The following ZNF609 variants were observed in gnomAD, a reference collection of about 807,000 sequenced individuals.
ZNF609 encodes the protein zinc finger protein 609.
In ZNF609, 11 loss-of-function variants were observed where a neutral mutation model predicts 109.5. That is an observed-to-expected ratio of 0.10 (90% CI 0.06 to 0.17). ZNF609 has a LOEUF of 0.17. ZNF609 is among the 10% of genes least tolerant of loss of function. The probability of loss-of-function intolerance (pLI) is 1.00; values close to 1 mark genes in which losing one functional copy is unlikely to be tolerated. For synonymous variants in ZNF609, 646 were observed against 662.0 expected, an observed-to-expected ratio of 0.98 and a Z score of 0.37; for missense variants, 1,559 against 1,772.4, an observed-to-expected ratio of 0.88 and a Z score of 2.16.
intron 3 of ZNF609, among the ~76,000 whole-genome samples, chr15:64,632,115 C>T (rs914659090): frequency 6.6e-6 from 1 of 152,100 alleles, no homozygotes; most frequent in Non-Finnish European, 1.5e-5. Context: ...TACAGTGGCA[C>T]GATCATGGCT....
intron 1 of ZNF609, among the ~76,000 whole-genome samples, chr15:64,474,785 C>T (rs778104115): frequency 3.9e-5 from 6 of 152,050 alleles, no homozygotes; most frequent in Non-Finnish European, 7.4e-5. Context: ...AGAGTGTGTG[C>T]AAATAAAGCC....
chr15:64,651,124 C>T lies in ZNF609; in HGVS notation c.974-19222C>T, dbSNP rs578103027. The stretch of plus-strand genomic sequence containing the variant: ...CTATAAACATATATATACATATATA[C>T]ACATGAACATCTTAACTTTATGTAA... On this transcript the variant is annotated intron_variant, in intron 3 of 9. Coordinates refer to ENST00000326648, the MANE Select transcript of ZNF609 (RefSeq NM_015042.2). Among the ~76,000 whole-genome samples, 233 of 152,138 alleles carry T rather than the reference C, an allele frequency of 1.5e-3. 2 individuals carry two copies. The highest frequency in any genetic ancestry group is 2.1e-3 in the Non-Finnish European group (140 of 67,998).
intron 1 of ZNF609, among the ~76,000 whole-genome samples, chr15:64,463,041 C>T (rs767281362): frequency 2.6e-5 from 4 of 151,916 alleles, no homozygotes; most frequent in Non-Finnish European, 5.9e-5. Context: ...ATCACTTGAG[C>T]CTAGGAGTTT....
intron 2 of ZNF609, among the ~76,000 whole-genome samples, chr15:64,574,888 G>A (rs948719146): frequency 6.6e-6 from 1 of 152,170 alleles, no homozygotes; most frequent in Non-Finnish European, 1.5e-5. Context: ...AGCAAGAGGA[G>A]GGAGGGACCT....
chr15:64,536,730 C>CT (rs1007035920), intron 2 of ZNF609, among the ~76,000 whole-genome samples: 2 of 148,818 alleles, frequency 1.3e-5, no homozygotes, highest in African/African-American at 5.0e-5. Context: ...TCCACCCCCC[C>CT]CCCCAAAAAA....
At chr15:64,625,939 AGAGAG>A (rs1895955422) in intron 3 of ZNF609, among the ~76,000 whole-genome samples, 2 of 12,034 alleles carry the variant, frequency 1.7e-4, no homozygotes, top group African/African-American at 3.4e-4. Flanking sequence ...ATATATATAG[AGAGAG>A]AGAGAGAGAG....
intron 1 of ZNF609, among the ~76,000 whole-genome samples, chr15:64,496,740 A>C (rs1375646940): frequency 2.0e-5 from 3 of 152,168 alleles, no homozygotes; most frequent in Non-Finnish European, 4.4e-5. Flanking sequence ...CTTCTTGTGT[A>C]GTGTTGAGAA....
rs200687552 is a variant in ZNF609 at position 64,500,068 on chromosome 15, A to G, written c.649A>G (p.Ile217Val). Reference sequence around the variant, plus strand: ...TGTGGAGCCACTTGGGAGTATAGCTATTGAGCCTGGGGCAGCGCTCAATCC... The same window carrying G: ...TGTGGAGCCACTTGGGAGTATAGCTGTTGAGCCTGGGGCAGCGCTCAATCC... Reference protein sequence around the residue: ...GAVEPLGSIAIEPGAALNPLG... With the variant: ...GAVEPLGSIAVEPGAALNPLG... Residue 217 changes from isoleucine (I) to valine (V), a missense_variant, in exon 2 of 10, where the codon ATT becomes GTT. Physicochemically the swap from Ile to Val is conservative, Grantham distance 29 (BLOSUM62 3). Around this residue, in one of 4 missense-constraint regions of ZNF609, gnomAD observed 291 missense variants for 317.8 expected, o/e 0.92. Coordinates refer to ENST00000326648, the MANE Select transcript of ZNF609 (RefSeq NM_015042.2). 1.2e-5 allele frequency: 19 copies of G among 1,614,114 alleles called. No individual in the cohort carries two copies. The highest frequency in any genetic ancestry group is 1.6e-4 in the Middle Eastern group (1 of 6,062).
At chr15:64,670,638 GGAGGCT>G (rs1380278080) in intron 4 of ZNF609, among the ~76,000 whole-genome samples, 1 of 152,028 alleles carries the variant, frequency 6.6e-6, no homozygotes, top group Non-Finnish European at 1.5e-5. Flanking sequence ...CAGCACTTTG[GGAGGCT>G]GAGGCAGGCG....
At chr15:64,561,934 T>C (rs900021935) in intron 2 of ZNF609, among the ~76,000 whole-genome samples, 2 of 152,186 alleles carry the variant, frequency 1.3e-5, no homozygotes, top group Non-Finnish European at 2.9e-5. Context: ...CCTTGAGAAC[T>C]GGAGTTTGTG....
At chr15:64,585,913 A>G (rs919387674) in intron 2 of ZNF609, among the ~76,000 whole-genome samples, 1 of 152,102 alleles carries the variant, frequency 6.6e-6, no homozygotes, top group African/African-American at 2.4e-5. Flanking sequence ...TGGCATGATC[A>G]TGGCTCATTG....
intron 3 of ZNF609, among the ~76,000 whole-genome samples, chr15:64,636,610 C>T (rs960719445): frequency 2.0e-5 from 3 of 152,136 alleles, no homozygotes; most frequent in Admixed American, 6.5e-5. Flanking sequence ...TATGAAGCTC[C>T]CTTTTGCTTT....
intron 2 of ZNF609, among the ~76,000 whole-genome samples, chr15:64,603,997 C>CAAAAA (rs34675102): frequency 7.7e-5 from 5 of 65,204 alleles, no homozygotes; most frequent in South Asian, 5.1e-4. Context: ...GACTCCGTCT[C>CAAAAA]AAAAAAAAAA....
chr15:64,480,538 A>T (rs138480669), intron 1 of ZNF609, among the ~76,000 whole-genome samples: 1 of 152,134 alleles, frequency 6.6e-6, no homozygotes, highest in African/African-American at 2.4e-5. Context: ...TCTCAAAAAA[A>T]AAAACAAAAA....
chr15:64,652,388 A>ATTT (rs35371824), intron 3 of ZNF609, among the ~76,000 whole-genome samples: 3 of 136,494 alleles, frequency 2.2e-5, no homozygotes, highest in Non-Finnish European at 1.5e-5. Flanking sequence ...TGCCTGGCTA[A>ATTT]TTTTTTTTTT....
At chr15:64,589,556 A>G (rs578084061) in intron 2 of ZNF609, among the ~76,000 whole-genome samples, 7 of 152,344 alleles carry the variant, frequency 4.6e-5, no homozygotes, top group African/African-American at 1.7e-4. Flanking sequence ...AAAGTTGCAC[A>G]GCCAGTAGTG....
At chr15:64,476,399 C>G (rs754179342) in intron 1 of ZNF609, among the ~76,000 whole-genome samples, 3 of 151,494 alleles carry the variant, frequency 2.0e-5, no homozygotes, top group Non-Finnish European at 4.4e-5. Context: ...AAAAGTACAG[C>G]AGGATAAGGA....
At position 64,674,630 on chromosome 15, in the gene ZNF609, G is replaced by A. The variant is rs781489160; in HGVS notation, c.1776G>A (p.Lys592=). The change falls in exon 5 of 10, where the codon AAG becomes AAA. Residue 592 remains lysine (K), a synonymous_variant. Transcript: ENST00000326648. ...GCACAAAAGGCCTCTGTAAGAAAAA[G>A]TTGAGTGGGGAAGGGGACACAGACC... The part of the protein sequence containing the change: ...KFSTKGLCKK[K]LSGEGDTDLG... The A allele has an allele frequency of 5.0e-6, 8 of 1,614,156 alleles. No homozygotes were observed. In the Admixed American group the frequency reaches 5.0e-5, roughly 10 times the overall value.
chr15:64,477,283 G>A (rs561448321), intron 1 of ZNF609, among the ~76,000 whole-genome samples: 1 of 151,752 alleles, frequency 6.6e-6, no homozygotes, highest in African/African-American at 2.4e-5. Flanking sequence ...TGGGACTACA[G>A]GCGCCTGCCC....
Sources: gnomAD v4.1 joint callset for allele counts (sites outside exome capture counted in the v4.1 genomes callset) on GRCh38, gnomAD v4.1.1 for gene constraint, gnomAD v4.1.1 regional missense constraint, MANE v1.5 for transcripts, NCBI Gene and HGNC (gene_info 2026-07-23, HGNC 2026-07-21) for gene names.